EIF2AK4: variants seen among roughly 807,000 people sequenced by gnomAD.
EIF2AK4 encodes the protein eukaryotic translation initiation factor 2 alpha kinase 4.
In EIF2AK4, 139 loss-of-function variants were observed where a neutral mutation model predicts 211.1. The observed-to-expected ratio is 0.66, with a 90% CI of 0.57 to 0.76. The LOEUF is 0.76. EIF2AK4 is among the 30% of genes least tolerant of loss of function. EIF2AK4 has a pLI of 0.00. For synonymous variants in EIF2AK4, 710 were observed against 751.3 expected (o/e 0.94, Z 0.90); for missense variants, 1,664 against 2,043.8 (o/e 0.81, Z 3.58).
chr15:39,992,184 A>T lies in EIF2AK4; in HGVS notation c.2641A>T (p.Lys881Ter). Residue 881 changes from lysine (K) to a stop codon, truncating the protein, a stop_gained, in exon 17 of 39, where the codon AAA (lysine) becomes TAA (stop). Transcript: ENST00000263791. LOFTEE classifies it high-confidence loss of function. ...TTACTTATATTTTTAGGCTGACAGCAAACAAGACGATCAGACAGGAGACTT... is the reference window on the plus strand; with the variant it reads ...TTACTTATATTTTTAGGCTGACAGCTAACAAGACGATCAGACAGGAGACTT... ...TDHLAFSADS[K>*]QDDQTGDLIK... 6.2e-7 allele frequency: 1 copy of T among 1,612,182 alleles called. No individual in the cohort carries two copies.
At chr15:39,979,150 G>A (rs1013756158) in intron 13 of EIF2AK4, among the ~76,000 whole-genome samples, 3 of 152,194 alleles carry the variant, frequency 2.0e-5, no homozygotes, top group African/African-American at 7.2e-5. Context: ...TTGTTAGGTG[G>A]TGGGAGGAAG....
At chr15:39,958,996 T>C (rs10152886) in intron 6 of EIF2AK4, among the ~76,000 whole-genome samples, 96,452 of 152,082 alleles carry the variant, frequency 0.63, 31,497 homozygotes, top group African/African-American at 0.77. Flanking sequence ...TATGTTTCTC[T>C]GTTCTTTTTA....
In EIF2AK4 at chr15:39,983,170, A is replaced by G. The variant is rs573132621; in HGVS notation, c.2320-2635A>G. 1.6e-3 allele frequency among the ~76,000 whole-genome samples: 246 copies of G among 152,352 alleles called. 1 individual carries two copies. The highest frequency in any genetic ancestry group is 5.8e-3 in the African/African-American group (240 of 41,572). ...AATTTACACTCCCACCAGTAGTGTGAAAGCATTCCTATTTCTCCACATCCT... is the reference window on the plus strand; with the variant it reads ...AATTTACACTCCCACCAGTAGTGTGGAAGCATTCCTATTTCTCCACATCCT... On this transcript the variant is annotated intron_variant, in intron 13 of 38. Transcript: ENST00000263791.
chr15:39,956,669 C>T (rs534413088), intron 6 of EIF2AK4, among the ~76,000 whole-genome samples: 1 of 152,262 alleles, frequency 6.6e-6, no homozygotes, highest in South Asian at 2.1e-4. Context: ...TTTGCTGTGG[C>T]CCCCTGTACA....
intron 13 of EIF2AK4, among the ~76,000 whole-genome samples, chr15:39,984,888 G>A (rs2034843517): frequency 6.6e-6 from 1 of 152,172 alleles, no homozygotes; most frequent in Non-Finnish European, 1.5e-5. Context: ...CCAACACTAT[G>A]TTGAATAGGA....
chr15:39,999,652 G>A (rs894939381), intron 20 of EIF2AK4, among the ~76,000 whole-genome samples: 9 of 152,244 alleles, frequency 5.9e-5, no homozygotes, highest in African/African-American at 2.2e-4. Context: ...CTAACATTGT[G>A]TCATTTGGTA....
At chr15:39,969,022 C>T (rs1267428257) in intron 9 of EIF2AK4, among the ~76,000 whole-genome samples, 1 of 151,946 alleles carries the variant, frequency 6.6e-6, no homozygotes, top group Non-Finnish European at 1.5e-5. Flanking sequence ...TGCAATGGAG[C>T]TTTAAACATA....
chr15:39,974,066 A>C (rs1453826754), intron 11 of EIF2AK4: 3 of 184,100 alleles, frequency 1.6e-5, no homozygotes, highest in African/African-American at 2.3e-5. Flanking sequence ...TTCAGAAAGA[A>C]CATTGTTCTT....
At chr15:39,943,298 G>C (rs1217645549) in intron 2 of EIF2AK4, 85 bp from the exon 3 acceptor site, 2 of 1,056,468 alleles carry the variant, frequency 1.9e-6, no homozygotes, top group Admixed American at 6.5e-5. Flanking sequence ...GGCCCAGAGT[G>C]CTTTCAGTTT....
rs1455020339 is a variant in EIF2AK4 at position 40,001,184 on chromosome 15, C to T, written c.3119C>T (p.Ser1040Phe). The T allele has an allele frequency of 6.2e-7, 1 of 1,613,882 alleles. No homozygotes were observed. Residue 1040 changes from serine to phenylalanine, a missense_variant, in exon 21 of 39, where the codon TCC becomes TTC. Ser to Phe is a radical substitution (Grantham distance 155, BLOSUM62 -2). Around this residue, in one of 7 missense-constraint regions of EIF2AK4, gnomAD observed 622 missense variants for 796.8 expected, o/e 0.78. Transcript: ENST00000263791. ...MMAQIFSQRI[S>F]PAIDYTYDSD... ...GCCCAGATCTTCTCGCAGCGCATCT[C>T]CCCTGCCATCGATTACACCTATGAC...
intron 3 of EIF2AK4, among the ~76,000 whole-genome samples, chr15:39,946,218 G>A (rs145995680): frequency 0.011 from 1,679 of 152,252 alleles, 16 homozygotes; most frequent in Non-Finnish European, 0.018. Flanking sequence ...AAACCTTCTG[G>A]AAAGGATTCA....
Position 39,992,648 on chromosome 15 carries a change from T to C in EIF2AK4, c.2687-121T>C, listed in dbSNP as rs76059747. ...GGTACAATGCATGCTCTGCTTCCTG[T>C]GAGTGGCATAGACAGTTAACAGATC... On this transcript the variant is annotated intron_variant, in intron 17 of 38. Transcript: ENST00000263791. 4.0e-3 allele frequency: 3,085 copies of C among 778,014 alleles called. 65 individuals carry two copies. In the African/African-American group the frequency reaches 0.047, roughly 12 times the overall value. 48.2% of individuals were successfully genotyped at this position (778,014 alleles called of 1,614,324 possible). A position where few individuals can be genotyped will look rare whatever the true frequency, so the allele number is the denominator to read the frequency against.
At chr15:40,028,257 TAG>T (rs1303776104) in intron 33 of EIF2AK4, among the ~76,000 whole-genome samples, 33 of 152,130 alleles carry the variant, frequency 2.2e-4, no homozygotes, top group Admixed American at 1.3e-4. Context: ...AAATTATTTG[TAG>T]AGACAGGATC....
At position 40,011,168 on chromosome 15, in the gene EIF2AK4, A is replaced by G. The variant is rs2035230358; in HGVS notation, c.3694-113A>G. 5 of 776,594 alleles carry G rather than the reference A, an allele frequency of 6.4e-6. No homozygotes were observed. In the Admixed American group the frequency reaches 1.2e-4, roughly 19 times the overall value. The allele number at this position is 776,594 out of a possible 1,614,324, so 48.1% of individuals were successfully genotyped here. A position where few individuals can be genotyped will look rare whatever the true frequency, so the allele number is the denominator to read the frequency against. On this transcript the variant is annotated intron_variant, in intron 26 of 38. Transcript: ENST00000263791. ...AGAATTCAATCTATCCTGTACCATT[A>G]GGAGCAGTTTGTTCAAAATGAAGGC...
intron 21 of EIF2AK4, among the ~76,000 whole-genome samples, chr15:40,001,987 G>T (rs1268288957): frequency 6.6e-6 from 1 of 152,206 alleles, no homozygotes; most frequent in Admixed American, 6.5e-5. Flanking sequence ...ATGTGTTAAA[G>T]TTGGGTGAGT....
intron 6 of EIF2AK4, among the ~76,000 whole-genome samples, chr15:39,956,226 G>A (rs1384653001): frequency 2.6e-5 from 4 of 151,794 alleles, no homozygotes; most frequent in Non-Finnish European, 2.9e-5. Flanking sequence ...GGCTGGTCTC[G>A]AACTCCTGAC....
At chr15:40,034,028 C>CAA (rs1161664208) in intron 37 of EIF2AK4, among the ~76,000 whole-genome samples, 5 of 68,964 alleles carry the variant, frequency 7.3e-5, no homozygotes, top group Admixed American at 1.6e-4. Context: ...AACTCCATCT[C>CAA]AAAAAAAAAA....
intron 32 of EIF2AK4, 136 bp downstream of exon 32, chr15:40,022,741 C>A: frequency 1.9e-6 from 1 of 529,506 alleles, no homozygotes; most frequent in Non-Finnish European, 3.1e-6. Context: ...TGTTGGGTTT[C>A]TTTTTTTTTT....
chr15:40,000,057 A>G (rs74765732), intron 20 of EIF2AK4, among the ~76,000 whole-genome samples: 42,634 of 152,104 alleles, frequency 0.28, 6,129 homozygotes, highest in South Asian at 0.34. Context: ...GAGGAAACTT[A>G]GAAGATGCTT....
Sources: allele counts gnomAD v4.1 joint callset (sites outside exome capture counted in the v4.1 genomes callset), GRCh38; gene constraint gnomAD v4.1.1; regional missense constraint gnomAD v4.1.1; transcripts MANE v1.5; gene names NCBI Gene and HGNC (gene_info 2026-07-23, HGNC 2026-07-21).